The following CUBN variants were observed in gnomAD, a reference collection of about 807,000 sequenced individuals.
CUBN encodes the protein cubilin, also known as 460 kDa receptor.
In CUBN, 282 loss-of-function variants were observed where a neutral mutation model predicts 405.3. That is an observed-to-expected ratio of 0.70 (90% CI 0.63 to 0.77). The LOEUF (loss-of-function observed/expected upper bound fraction) is 0.77. CUBN is among the 30% of genes least tolerant of loss of function. The pLI is 0.00. For missense variants in CUBN, 4,514 were observed against 4,475.2 expected (o/e 1.01, Z -0.25); for synonymous variants, 1,684 against 1,617.0 (o/e 1.04, Z -0.99).
chr10:16,968,810 G>A (rs1013647839), intron 31 of CUBN, among the ~76,000 whole-genome samples: 1 of 152,240 alleles, frequency 6.6e-6, no homozygotes, highest in African/African-American at 2.4e-5. Flanking sequence ...GTGCTGACCA[G>A]ACAAGGCCAT....
At chr10:16,845,800 T>C (rs1839491500) in intron 60 of CUBN, among the ~76,000 whole-genome samples, 1 of 152,164 alleles carries the variant, frequency 6.6e-6, no homozygotes, top group Non-Finnish European at 1.5e-5. Flanking sequence ...CCTCCTCAGC[T>C]CCAGTGTCTG....
chr10:16,977,559 C>T (rs1348010825), intron 31 of CUBN, among the ~76,000 whole-genome samples: 2 of 152,176 alleles, frequency 1.3e-5, no homozygotes, highest in East Asian at 3.9e-4. Context: ...GAGCTGTCTC[C>T]ATCATCCAGT....
At chr10:17,100,265 T>G in intron 13 of CUBN, 26 bp from the exon 14 acceptor site, 12 of 1,375,244 alleles carry the variant, frequency 8.7e-6, no homozygotes, top group South Asian at 1.2e-5. Flanking sequence ...CCACATATAT[T>G]ATCTTTTACT....
chr10:17,035,419 G>A (rs890527953), intron 27 of CUBN, among the ~76,000 whole-genome samples: 113 of 152,318 alleles, frequency 7.4e-4, no homozygotes, highest in African/African-American at 2.5e-3. Context: ...TCAGAAGAGA[G>A]TGTGATGTCA....
intron 31 of CUBN, among the ~76,000 whole-genome samples, chr10:16,967,796 G>A (rs992005376): frequency 3.7e-5 from 5 of 136,746 alleles, no homozygotes; most frequent in African/African-American, 5.6e-5. Flanking sequence ...AAGGAGAGAC[G>A]GAGAGAGAAA....
At chr10:17,120,137 G>C (rs999172851) in intron 6 of CUBN, among the ~76,000 whole-genome samples, 4 of 152,162 alleles carry the variant, frequency 2.6e-5, no homozygotes, top group Non-Finnish European at 4.4e-5. Flanking sequence ...TTCCCAAAGG[G>C]TTTTCTAGCC....
At chr10:16,916,357 A>T (rs187921259) in intron 45 of CUBN, among the ~76,000 whole-genome samples, 4 of 152,332 alleles carry the variant, frequency 2.6e-5, no homozygotes, top group Middle Eastern at 6.8e-3. Context: ...AGTAAGTTTC[A>T]TCTCAAGAAC....
At chr10:17,120,562 G>A (rs1274258773) in intron 6 of CUBN, among the ~76,000 whole-genome samples, 1 of 152,160 alleles carries the variant, frequency 6.6e-6, no homozygotes, top group Non-Finnish European at 1.5e-5. Flanking sequence ...ATTTCGTACT[G>A]TTCTTACAAA....
intron 22 of CUBN, 125 bp downstream of exon 22, chr10:17,065,383 A>G (rs1240132756): frequency 3.3e-6 from 4 of 1,226,396 alleles, no homozygotes; most frequent in Non-Finnish European, 4.8e-6. Flanking sequence ...ACTACCCTTT[A>G]TTCTAAATAT....
intron 27 of CUBN, among the ~76,000 whole-genome samples, chr10:17,021,330 C>T (rs1258386256): frequency 2.0e-5 from 3 of 152,214 alleles, no homozygotes; most frequent in African/African-American, 4.8e-5. Context: ...AAAAATCTCT[C>T]TACTATATCT....
At chr10:16,901,531 GTAA>G in intron 51 of CUBN, 72 bp from the exon 52 acceptor site, 2 of 1,577,468 alleles carry the variant, frequency 1.3e-6, no homozygotes, top group Non-Finnish European at 1.7e-6. Flanking sequence ...AAAGTAAGTA[GTAA>G]TCATAACCAT....
intron 14 of CUBN, among the ~76,000 whole-genome samples, chr10:17,088,741 T>A (rs1836184564): frequency 6.6e-6 from 1 of 152,256 alleles, no homozygotes; most frequent in Non-Finnish European, 1.5e-5. Context: ...GCAAACCAGA[T>A]CACTTTGCAT....
At chr10:16,972,329 A>T (rs1035150781) in intron 31 of CUBN, among the ~76,000 whole-genome samples, 1 of 152,166 alleles carries the variant, frequency 6.6e-6, no homozygotes, top group Non-Finnish European at 1.5e-5. Flanking sequence ...CTCAGATCCT[A>T]TCCCAAGCTC....
intron 58 of CUBN, among the ~76,000 whole-genome samples, chr10:16,872,243 T>G (rs1207100477): frequency 6.6e-6 from 1 of 151,688 alleles, no homozygotes; most frequent in East Asian, 1.9e-4. Context: ...TAGTCTCAAA[T>G]AAATAAATAA....
chr10:16,832,069 A>G (rs1395533058), intron 64 of CUBN, among the ~76,000 whole-genome samples: 1 of 152,222 alleles, frequency 6.6e-6, no homozygotes, highest in East Asian at 1.9e-4. Context: ...TTGAGTAGAC[A>G]CATATAAAAA....
chr10:17,034,883 A>G (rs1834861946), intron 27 of CUBN, among the ~76,000 whole-genome samples: 1 of 152,190 alleles, frequency 6.6e-6, no homozygotes, highest in Non-Finnish European at 1.5e-5. Flanking sequence ...CTCTCTTCAT[A>G]TAAAGGAGAC....
intron 48 of CUBN, among the ~76,000 whole-genome samples, chr10:16,908,880 T>TC (rs1347897097): frequency 2.0e-5 from 3 of 148,236 alleles, no homozygotes; most frequent in Admixed American, 1.3e-4. Flanking sequence ...CTCTTTTTTT[T>TC]TTTTTTTTTT....
intron 58 of CUBN, among the ~76,000 whole-genome samples, chr10:16,871,056 C>A (rs1840338022): frequency 6.6e-6 from 1 of 150,814 alleles, no homozygotes. Flanking sequence ...GAGACAGAGT[C>A]TCACTCTGTT....
chr10:16,840,662 T>C (rs1055987780), intron 61 of CUBN, 127 bp from the exon 62 acceptor site: 3 of 926,930 alleles, frequency 3.2e-6, no homozygotes, highest in South Asian at 2.8e-5. Context: ...CTATTAAGAA[T>C]TCAGGGTTTA....
Sources: gnomAD v4.1 joint callset for allele counts (sites outside exome capture counted in the v4.1 genomes callset) on GRCh38, gnomAD v4.1.1 for gene constraint, MANE v1.5 for transcripts, NCBI Gene and HGNC (gene_info 2026-07-23, HGNC 2026-07-21) for gene names.